FAM110B: variants seen among roughly 807,000 people sequenced by gnomAD.
FAM110B encodes family with sequence similarity 110 member B.
In FAM110B, 6 loss-of-function variants were observed where a neutral mutation model predicts 20.4. The observed-to-expected ratio is 0.29, with a 90% confidence interval of 0.16 to 0.58. The LOEUF is 0.58. Ranked by LOEUF, FAM110B falls within the 20% of genes least tolerant of loss-of-function variation. The pLI is 0.90. For missense variants in FAM110B, 434 were observed against 498.2 expected (o/e 0.87, Z 1.23); for synonymous variants, 226 against 214.1 (o/e 1.06, Z -0.49).
intron 3 of FAM110B, among the ~76,000 whole-genome samples, chr8:58,137,433 C>T (rs866511214): frequency 4.6e-5 from 7 of 152,058 alleles, no homozygotes; most frequent in Non-Finnish European, 7.4e-5. Flanking sequence ...TAGTGGCAGG[C>T]GCCTGTAATC....
intron 1 of FAM110B, among the ~76,000 whole-genome samples, chr8:58,000,008 C>T (rs968285878): frequency 1.3e-5 from 2 of 152,150 alleles, no homozygotes; most frequent in Admixed American, 6.5e-5. Flanking sequence ...AGTCAACAAG[C>T]AAAAACTGTG....
chr8:58,049,150 A>G (rs1563351003), intron 2 of FAM110B, among the ~76,000 whole-genome samples: 1 of 152,114 alleles, frequency 6.6e-6, no homozygotes, highest in Non-Finnish European at 1.5e-5. Context: ...AGTGTGTTTG[A>G]TTTCAGTCCT....
chr8:58,110,034 A>T (rs904487438), intron 3 of FAM110B, among the ~76,000 whole-genome samples: 2 of 152,186 alleles, frequency 1.3e-5, no homozygotes, highest in African/African-American at 4.8e-5. Flanking sequence ...GTGAGGACAG[A>T]ATTCTCTGAA....
At position 58,019,365 on chromosome 8, in the gene FAM110B, A is replaced by AAG. The variant is rs1563498708; in HGVS notation, c.-511-12241_-511-12240insAG. ...AAAAAAAAAAAAAAAAAAAAAGGAA[A>AAG]GAAAGAAAGAAAGAAAAGAAAAGAA... On this transcript the variant is annotated intron_variant, in intron 1 of 3. Coordinates refer to ENST00000519262, the MANE Select transcript of FAM110B (RefSeq NM_001377989.1). 1.0e-3 allele frequency among the ~76,000 whole-genome samples: 112 copies of AAG among 107,140 alleles called. 2 individuals are homozygous for AAG. Among genetic ancestry groups the AAG allele is most frequent in the African/African-American group, 5.4e-3 (109 of 20,120 alleles). 70.3% of individuals were successfully genotyped at this position (107,140 alleles called of 152,430 possible). A position where few individuals can be genotyped will look rare whatever the true frequency, so the allele number is the denominator to read the frequency against.
intron 2 of FAM110B, among the ~76,000 whole-genome samples, chr8:58,049,023 T>TTG (rs1219452892): frequency 1.3e-5 from 2 of 152,296 alleles, no homozygotes; most frequent in South Asian, 2.1e-4. Flanking sequence ...AGGATAGATA[T>TTG]TGTGTGTGTG....
At chr8:58,142,241 G>C (rs1360492857) in intron 3 of FAM110B, among the ~76,000 whole-genome samples, 1 of 152,164 alleles carries the variant, frequency 6.6e-6, no homozygotes, top group African/African-American at 2.4e-5. Flanking sequence ...TGGGATGCTG[G>C]CTAGCACAGA....
At chr8:58,119,755 G>A (rs1807307355) in intron 3 of FAM110B, among the ~76,000 whole-genome samples, 1 of 152,174 alleles carries the variant, frequency 6.6e-6, no homozygotes, top group Non-Finnish European at 1.5e-5. Flanking sequence ...GCTGGCCTGT[G>A]GAAAGAGAGT....
intron 3 of FAM110B, among the ~76,000 whole-genome samples, chr8:58,137,076 G>A (rs553536298): frequency 4.6e-5 from 7 of 152,244 alleles, no homozygotes; most frequent in Admixed American, 1.3e-4. Context: ...ATAAAAATGG[G>A]GTCATACAAG....
At chr8:58,045,025 T>C (rs887327027) in intron 2 of FAM110B, among the ~76,000 whole-genome samples, 1 of 152,246 alleles carries the variant, frequency 6.6e-6, no homozygotes, top group African/African-American at 2.4e-5. Context: ...CAATGCTTAA[T>C]AGCCTGTTAA....
intron 3 of FAM110B, chr8:58,098,944 G>A (rs1333917657): frequency 6.6e-6 from 1 of 152,384 alleles, no homozygotes; most frequent in Non-Finnish European, 1.5e-5. Context: ...GATCTTGCTG[G>A]GAGCTGCAGA....
At chr8:58,046,820 T>G (rs1805327944) in intron 2 of FAM110B, among the ~76,000 whole-genome samples, 1 of 152,230 alleles carries the variant, frequency 6.6e-6, no homozygotes, top group Admixed American at 6.5e-5. Context: ...TGTCTTACAC[T>G]AGACCTTGCA....
At chr8:58,128,767 G>C (rs2150632388) in intron 3 of FAM110B, among the ~76,000 whole-genome samples, 1 of 152,266 alleles carries the variant, frequency 6.6e-6, no homozygotes, top group South Asian at 2.1e-4. Context: ...AGCTGGCATT[G>C]AAAAATGAGA....
chr8:58,053,234 T>C (rs1477224151), intron 2 of FAM110B, among the ~76,000 whole-genome samples: 1 of 152,094 alleles, frequency 6.6e-6, no homozygotes, highest in Non-Finnish European at 1.5e-5. Flanking sequence ...GCTACAGACA[T>C]AGATTGCAAG....
At chr8:58,028,917 T>A (rs1252350403) in intron 1 of FAM110B, among the ~76,000 whole-genome samples, 1 of 152,176 alleles carries the variant, frequency 6.6e-6, no homozygotes, top group Non-Finnish European at 1.5e-5. Context: ...ACAGTTACAC[T>A]CTCATCCCAT....
chr8:58,134,266 A>G (rs1803557688), intron 3 of FAM110B, among the ~76,000 whole-genome samples: 2 of 152,332 alleles, frequency 1.3e-5, no homozygotes, highest in African/African-American at 4.8e-5. Flanking sequence ...TATTTTTTTA[A>G]GTGAACTCAC....
chr8:58,140,009 G>A (rs1803704671), intron 3 of FAM110B, among the ~76,000 whole-genome samples: 1 of 152,180 alleles, frequency 6.6e-6, no homozygotes, highest in Non-Finnish European at 1.5e-5. Context: ...GGTTAAAAAT[G>A]GCTCAGGCAG....
intron 2 of FAM110B, among the ~76,000 whole-genome samples, chr8:58,052,375 T>A (rs1805465182): frequency 6.6e-6 from 1 of 152,186 alleles, no homozygotes; most frequent in African/African-American, 2.4e-5. Flanking sequence ...GATGTTGAGA[T>A]CCTGATGTTT....
At chr8:57,995,103 G>C (rs1025509520) in intron 1 of FAM110B, among the ~76,000 whole-genome samples, 5 of 152,104 alleles carry the variant, frequency 3.3e-5, no homozygotes, top group Admixed American at 6.5e-5. Flanking sequence ...TCCCGGGCTC[G>C]GCTAGGAGGC....
Position 58,147,408 on chromosome 8 carries a change from C to T in FAM110B, c.*65C>T. The stretch of plus-strand genomic sequence containing the variant: ...TACGCAGTTGTGAAGGTTGTGAGGT[C>T]TCCTTGAAGTGTTGTGAGCTTCTCC... On this transcript the variant is annotated 3_prime_UTR_variant, in exon 4 of 4. Transcript: ENST00000519262. The T allele has an allele frequency of 1.3e-6, 2 of 1,538,068 alleles. No individual in the cohort carries two copies. The highest frequency in any genetic ancestry group is 2.7e-5 in the African/African-American group (2 of 73,094).
Sources: gnomAD v4.1 joint callset for allele counts (sites outside exome capture counted in the v4.1 genomes callset) on GRCh38, gnomAD v4.1.1 for gene constraint, MANE v1.5 for transcripts, NCBI Gene and HGNC (gene_info 2026-07-23, HGNC 2026-07-21) for gene names.